SLAMF1: variants seen among roughly 807,000 people sequenced by gnomAD.
The protein encoded by SLAMF1 is signaling lymphocytic activation molecule.
Under a neutral mutation model 35.1 loss-of-function variants are expected in SLAMF1, and 18 were observed. The ratio of observed to expected loss-of-function variants is 0.51; its 90% confidence interval spans 0.35 to 0.76. The LOEUF (loss-of-function observed/expected upper bound fraction) is 0.76, where lower values mean the gene tolerates loss of function less well. Ranked by LOEUF, SLAMF1 falls within the 30% of genes least tolerant of loss-of-function variation. The probability of loss-of-function intolerance (pLI) is 0.01; values close to 1 mark genes in which losing one functional copy is unlikely to be tolerated. For synonymous variants in SLAMF1, 168 were observed against 157.2 expected, an observed-to-expected ratio of 1.07 and a Z score of -0.51; for missense variants, 392 against 413.0, an observed-to-expected ratio of 0.95 and a Z score of 0.44.
At position 160,612,565 on chromosome 1, in the gene SLAMF1, G is replaced by A; in HGVS notation, c.880C>T (p.Leu294Phe). The A allele has an allele frequency of 6.2e-7, 1 of 1,611,518 alleles. No individual in the cohort carries two copies. The highest frequency in any genetic ancestry group is 1.7e-4 in the Middle Eastern group (1 of 6,048). ...GGGTCCTGAGCTGGGAAGGAGTCAAGTTTCTTCTGAAGAGGCTACAAGAGA... is the reference window on the plus strand; with the variant it reads ...GGGTCCTGAGCTGGGAAGGAGTCAAATTTCTTCTGAAGAGGCTACAAGAGA... Reference protein sequence around the residue: ...VQKPGPLQKKLDSFPAQDPCT... With the variant: ...VQKPGPLQKKFDSFPAQDPCT... Residue 294 changes from leucine to phenylalanine, a missense_variant, in exon 6 of 7, where the codon CTT (leucine) becomes TTT (phenylalanine). Transcript: ENST00000302035.
intron 3 of SLAMF1, among the ~76,000 whole-genome samples, chr1:160,625,626 A>C (rs1659836446): frequency 6.6e-6 from 1 of 152,206 alleles, no homozygotes; most frequent in Non-Finnish European, 1.5e-5. Flanking sequence ...TATAGGTTCT[A>C]TCCCCTAAAT....
intron 3 of SLAMF1, among the ~76,000 whole-genome samples, chr1:160,629,810 C>G (rs1221108503): frequency 1.3e-5 from 2 of 152,210 alleles, no homozygotes; most frequent in Non-Finnish European, 2.9e-5. Context: ...TGACCAGGCT[C>G]TGGGCTGTGC....
intron 5 of SLAMF1, among the ~76,000 whole-genome samples, chr1:160,615,544 A>G (rs568464976): frequency 3.9e-5 from 6 of 152,206 alleles, no homozygotes; most frequent in Non-Finnish European, 8.8e-5. Context: ...CTCTACTAGC[A>G]AATATTTAAG....
At chr1:160,626,748 CCCTTTTGACTCAAA>C (rs1659903464) in intron 3 of SLAMF1, among the ~76,000 whole-genome samples, 1 of 152,100 alleles carries the variant, frequency 6.6e-6, no homozygotes, top group South Asian at 2.1e-4. Context: ...GATGTCAAAG[CCCTTTTGACTCAAA>C]CCTTTTGAGT....
At chr1:160,633,231 G>A (rs905707841) in intron 3 of SLAMF1, among the ~76,000 whole-genome samples, 18 of 152,122 alleles carry the variant, frequency 1.2e-4, no homozygotes, top group African/African-American at 4.3e-4. Flanking sequence ...GAACTGGGGG[G>A]TAGCCTCTGA....
At position 160,625,847 on chromosome 1, in the gene SLAMF1, G is replaced by GTGTGTGTGTGTA. The variant is rs1553240257; in HGVS notation, c.701-1663_701-1662insTACACACACACA. On this transcript the variant is annotated intron_variant, in intron 3 of 6. Coordinates refer to ENST00000302035, the MANE Select transcript of SLAMF1 (RefSeq NM_003037.5). ...GGAGTGTGTGTGTGTGTGTGTGTGT[G>GTGTGTGTGTGTA]TGTGTGTATGTGTGTATGTGTGTGT... 2.3e-3 allele frequency among the ~76,000 whole-genome samples: 342 copies of GTGTGTGTGTGTA among 148,234 alleles called. 2 individuals carry two copies. Among genetic ancestry groups the GTGTGTGTGTGTA allele is most frequent in the Middle Eastern group, 0.014 (4 of 292 alleles).
At chr1:160,618,246 T>A (rs77791439) in intron 5 of SLAMF1, among the ~76,000 whole-genome samples, 1,539 of 152,322 alleles carry the variant, frequency 0.01, 21 homozygotes, top group African/African-American at 0.035. Context: ...CAAAAACTTT[T>A]GCAGAAAAAC....
rs1447408215 is a variant in SLAMF1 at position 160,612,564 on chromosome 1, A to G, written c.881T>C (p.Leu294Pro). The G allele has an allele frequency of 3.7e-6, 6 of 1,611,864 alleles. No homozygotes were observed. The highest frequency in any genetic ancestry group is 2.2e-5 in the East Asian group (1 of 44,810). ...AGGGTCCTGAGCTGGGAAGGAGTCA[A>G]GTTTCTTCTGAAGAGGCTACAAGAG... ...VQKPGPLQKK[L>P]DSFPAQDPCT... Residue 294 changes from leucine to proline, a missense_variant, in exon 6 of 7, where the codon CTT (leucine) becomes CCT (proline). Leu to Pro is a moderately conservative substitution (Grantham distance 98). Transcript: ENST00000302035.
chr1:160,618,764 C>T (rs1659447694), intron 5 of SLAMF1, among the ~76,000 whole-genome samples: 1 of 152,088 alleles, frequency 6.6e-6, no homozygotes, highest in Non-Finnish European at 1.5e-5. Flanking sequence ...AAGAGGGATG[C>T]TAGCAGCATA....
At position 160,612,582 on chromosome 1, in the gene SLAMF1, T is replaced by A; in HGVS notation, c.865-2A>T. 1 of 1,597,240 alleles carries A rather than the reference T, an allele frequency of 6.3e-7. No homozygotes were observed. The highest frequency in any genetic ancestry group is 8.6e-7 in the Non-Finnish European group (1 of 1,165,450). The stretch of plus-strand genomic sequence containing the variant: ...GGAGTCAAGTTTCTTCTGAAGAGGC[T>A]ACAAGAGAAGCAAAGAAAGCAGATT... On this transcript the variant is annotated splice_acceptor_variant, in intron 5 of 6. Coordinates refer to ENST00000302035, the MANE Select transcript of SLAMF1 (RefSeq NM_003037.5). LOFTEE classifies it high-confidence loss of function.
chr1:160,619,266 C>T (rs954848342), intron 5 of SLAMF1, among the ~76,000 whole-genome samples: 1 of 152,150 alleles, frequency 6.6e-6, no homozygotes, highest in African/African-American at 2.4e-5. Context: ...CTTCTTAGTC[C>T]AGTGATCACT....
At chr1:160,619,732 T>C (rs1570974326) in intron 5 of SLAMF1, 44 bp downstream of exon 5, 1 of 1,247,018 alleles carries the variant, frequency 8.0e-7, no homozygotes, top group Non-Finnish European at 1.2e-6. Flanking sequence ...AGGAATACTC[T>C]AGGAAACATG....
chr1:160,619,890 C>G (rs1659513643), intron 4 of SLAMF1, 41 bp from the exon 5 acceptor site: 1 of 1,331,372 alleles, frequency 7.5e-7, no homozygotes, highest in African/African-American at 1.4e-5. Context: ...CCTCTGGTCC[C>G]CAGCAGGAGC....
chr1:160,643,931 CT>C (rs921112142), intron 1 of SLAMF1, among the ~76,000 whole-genome samples: 1 of 152,062 alleles, frequency 6.6e-6, no homozygotes, highest in African/African-American at 2.4e-5. Context: ...GGAAATTAGT[CT>C]TCACTAAATA....
intron 2 of SLAMF1, among the ~76,000 whole-genome samples, chr1:160,636,198 C>G (rs549413023): frequency 6.6e-6 from 1 of 152,220 alleles, no homozygotes; most frequent in Non-Finnish European, 1.5e-5. Context: ...GCAGCCTCCA[C>G]GCTCATGGCA....
intron 5 of SLAMF1, among the ~76,000 whole-genome samples, chr1:160,617,574 G>C (rs1659373337): frequency 1.3e-5 from 2 of 151,960 alleles, no homozygotes; most frequent in South Asian, 2.1e-4. Context: ...TCAGACATGA[G>C]AGAAAAAAGA....
chr1:160,632,327 G>A (rs1466816504), intron 3 of SLAMF1, among the ~76,000 whole-genome samples: 3 of 152,074 alleles, frequency 2.0e-5, no homozygotes, highest in East Asian at 1.9e-4. Flanking sequence ...AGAGGGGAAC[G>A]GCTGGACAGT....
At chr1:160,635,187 TTCTCCTG>T (rs1291766652) in intron 2 of SLAMF1, among the ~76,000 whole-genome samples, 1 of 152,270 alleles carries the variant, frequency 6.6e-6, no homozygotes, top group East Asian at 1.9e-4. Flanking sequence ...TAAGTTGCTA[TTCTCCTG>T]TCTCCTATCA....
At chr1:160,611,123 A>T (rs1024396552) in intron 6 of SLAMF1, among the ~76,000 whole-genome samples, 1 of 152,220 alleles carries the variant, frequency 6.6e-6, no homozygotes, top group Admixed American at 6.5e-5. Context: ...TTGCTGTTAC[A>T]TATGGGTCAC....
Sources: allele counts gnomAD v4.1 joint callset (sites outside exome capture counted in the v4.1 genomes callset), GRCh38; gene constraint gnomAD v4.1.1; transcripts MANE v1.5; gene names NCBI Gene and HGNC (gene_info 2026-07-23, HGNC 2026-07-21).